The following EBF1 variants were observed in gnomAD, a reference collection of about 807,000 sequenced individuals.
The protein encoded by EBF1 is EBF transcription factor 1.
A neutral mutation model predicts 68.4 loss-of-function variants in EBF1; 10 were observed. That is an observed-to-expected ratio of 0.15 (90% CI 0.09 to 0.25). The LOEUF (loss-of-function observed/expected upper bound fraction) is 0.25, where lower values mean the gene tolerates loss of function less well. EBF1 is among the 10% of genes least tolerant of loss of function. EBF1 has a pLI of 1.00. For missense variants in EBF1, 509 were observed against 794.4 expected, an observed-to-expected ratio of 0.64 and a Z score of 4.32; for synonymous variants, 298 against 299.8, an observed-to-expected ratio of 0.99 and a Z score of 0.06.
intron 6 of EBF1, among the ~76,000 whole-genome samples, chr5:158,915,510 T>C (rs1332149236): frequency 6.6e-6 from 1 of 152,192 alleles, no homozygotes; most frequent in African/African-American, 2.4e-5. Flanking sequence ...GTCTCTCCCT[T>C]CAGACAGATC....
chr5:158,875,251 G>A (rs570787751), intron 6 of EBF1, among the ~76,000 whole-genome samples: 1 of 152,224 alleles, frequency 6.6e-6, no homozygotes, highest in African/African-American at 2.4e-5. Flanking sequence ...TTGTCAATAG[G>A]GTAGAGGAGC....
At chr5:158,741,392 T>C (rs1766370937) in intron 10 of EBF1, among the ~76,000 whole-genome samples, 1 of 152,008 alleles carries the variant, frequency 6.6e-6, no homozygotes, top group Non-Finnish European at 1.5e-5. Flanking sequence ...CTGGTCAATA[T>C]AGTGAGACCT....
intron 6 of EBF1, among the ~76,000 whole-genome samples, chr5:158,926,671 C>A (rs1409475017): frequency 3.3e-5 from 5 of 150,686 alleles, no homozygotes; most frequent in African/African-American, 1.2e-4. Flanking sequence ...TGGCAGTGAG[C>A]CAAGATTGAG....
intron 6 of EBF1, among the ~76,000 whole-genome samples, chr5:158,848,874 A>G (rs1792055231): frequency 6.6e-6 from 1 of 152,236 alleles, no homozygotes; most frequent in Admixed American, 6.5e-5. Flanking sequence ...CAAGAAGTTC[A>G]AGTCCACAGT....
Position 159,053,337 on chromosome 5 carries a change from A to G in EBF1, c.554+20059T>C, listed in dbSNP as rs1436654578. ...CAGAATTCAGCTAATATGTGGCTTC[A>G]TAAATGGTTAGTTATCATCAGTAAT... is the stretch of plus-strand genomic sequence containing the variant. On this transcript the variant is annotated intron_variant, in intron 6 of 15. Transcript: ENST00000313708. 3.3e-5 allele frequency among the ~76,000 whole-genome samples: 5 copies of G among 152,250 alleles called. No individual in the cohort carries two copies. The South Asian group carries it at 6.2e-4, about 19-fold the overall frequency.
chr5:158,772,248 A>G (rs4704958), intron 10 of EBF1, among the ~76,000 whole-genome samples: 31,837 of 152,100 alleles, frequency 0.21, 3,876 homozygotes, highest in African/African-American at 0.33. Flanking sequence ...CCCTAAAACC[A>G]ATGACTTTGT....
intron 6 of EBF1, among the ~76,000 whole-genome samples, chr5:158,980,033 G>C (rs968756698): frequency 1.3e-5 from 2 of 152,062 alleles, no homozygotes; most frequent in African/African-American, 4.8e-5. Flanking sequence ...GTATTTTATA[G>C]TCAGAAGGAC....
In EBF1 at chr5:158,860,232, C is replaced by T. The variant is rs376284039; in HGVS notation, c.555-20122G>A. On this transcript the variant is annotated intron_variant, in intron 6 of 15. Transcript: ENST00000313708. ...CTAACATCATCTTATTGAATGCTCACAACAACCCTAAGATAGTAACTACTA... is the reference window on the plus strand; with the variant it reads ...CTAACATCATCTTATTGAATGCTCATAACAACCCTAAGATAGTAACTACTA... 2.0e-3 allele frequency among the ~76,000 whole-genome samples: 309 copies of T among 152,316 alleles called. 2 individuals are homozygous for T. The highest frequency in any genetic ancestry group is 7.3e-3 in the African/African-American group (302 of 41,576).
chr5:158,898,278 G>A (rs1380160405), intron 6 of EBF1, among the ~76,000 whole-genome samples: 1 of 151,934 alleles, frequency 6.6e-6, no homozygotes, highest in Non-Finnish European at 1.5e-5. Context: ...ATTTGCATTG[G>A]CAACTGTTCC....
chr5:158,895,469 G>A (rs185057565), intron 6 of EBF1, among the ~76,000 whole-genome samples: 3 of 152,204 alleles, frequency 2.0e-5, no homozygotes, highest in Admixed American at 1.3e-4. Flanking sequence ...CTTACTATAC[G>A]TCCTAAGCAT....
chr5:158,907,779 C>T (rs961873540), intron 6 of EBF1, among the ~76,000 whole-genome samples: 2 of 151,854 alleles, frequency 1.3e-5, no homozygotes, highest in African/African-American at 4.8e-5. Context: ...AACAAATGCT[C>T]AAAGGTGTAA....
At chr5:158,943,982 A>C (rs1304469935) in intron 6 of EBF1, among the ~76,000 whole-genome samples, 1 of 152,158 alleles carries the variant, frequency 6.6e-6, no homozygotes, top group Non-Finnish European at 1.5e-5. Context: ...GCCTTCCTAG[A>C]CTTCCCATCA....
At chr5:158,808,770 G>A (rs1436381320) in intron 8 of EBF1, among the ~76,000 whole-genome samples, 2 of 152,096 alleles carry the variant, frequency 1.3e-5, no homozygotes, top group African/African-American at 4.8e-5. Context: ...AAGGAAAATA[G>A]GGAAGAAGAA....
chr5:158,815,939 T>C (rs1193961735), intron 8 of EBF1, among the ~76,000 whole-genome samples: 1 of 151,932 alleles, frequency 6.6e-6, no homozygotes, highest in Non-Finnish European at 1.5e-5. Context: ...CAGTGCTCTA[T>C]TTTATGACAC....
At chr5:159,038,079 G>C (rs1770445872) in intron 6 of EBF1, among the ~76,000 whole-genome samples, 1 of 152,158 alleles carries the variant, frequency 6.6e-6, no homozygotes, top group Non-Finnish European at 1.5e-5. Flanking sequence ...GAAATGTCTT[G>C]ATTTTGCCCC....
At chr5:158,968,393 C>A (rs1346562609) in intron 6 of EBF1, among the ~76,000 whole-genome samples, 1 of 152,198 alleles carries the variant, frequency 6.6e-6, no homozygotes, top group Non-Finnish European at 1.5e-5. Flanking sequence ...AACACTGCCA[C>A]TGCCGGCAAA....
chr5:158,963,824 C>T (rs1274117110), intron 6 of EBF1, among the ~76,000 whole-genome samples: 2 of 152,274 alleles, frequency 1.3e-5, no homozygotes, highest in Admixed American at 1.3e-4. Flanking sequence ...AGGTTTATTG[C>T]TTTGTTTCCT....
Position 158,807,975 on chromosome 5 carries a change from C to A in EBF1, c.779-11500G>T, listed in dbSNP as rs377419538. ...GGAATAGTTCTGCTTATATTTCTCT[C>A]CACAACCGAGGCTGCCATTGCTAAC... On this transcript the variant is annotated intron_variant, in intron 8 of 15. Coordinates refer to ENST00000313708, the MANE Select transcript of EBF1 (RefSeq NM_024007.5). Among the ~76,000 whole-genome samples the A allele has an allele frequency of 1.5e-3, 221 of 152,270 alleles. 1 individual carries two copies. Among genetic ancestry groups the A allele is most frequent in the African/African-American group, 5.0e-3 (209 of 41,572 alleles).
intron 6 of EBF1, among the ~76,000 whole-genome samples, chr5:158,979,405 A>G (rs1757458940): frequency 1.3e-5 from 2 of 152,180 alleles, no homozygotes; most frequent in Non-Finnish European, 2.9e-5. Flanking sequence ...ACAAGCTACA[A>G]TTTCCCCCTG....
Sources: gnomAD v4.1 joint callset for allele counts (sites outside exome capture counted in the v4.1 genomes callset) on GRCh38, gnomAD v4.1.1 for gene constraint, MANE v1.5 for transcripts, NCBI Gene and HGNC (gene_info 2026-07-23, HGNC 2026-07-21) for gene names.